The following LRBA variants were observed in gnomAD, a reference collection of about 807,000 sequenced individuals.
LRBA encodes the protein LPS responsive beige-like anchor protein, also known as lipopolysaccharide-responsive and beige-like anchor protein.
A neutral mutation model predicts 330.0 loss-of-function variants in LRBA; 176 were observed. The ratio of observed to expected loss-of-function variants is 0.53; its 90% CI spans 0.47 to 0.60. The LOEUF (loss-of-function observed/expected upper bound fraction) is 0.60. Among genes scored for constraint, LRBA ranks in the 20% least tolerant of loss-of-function variants. The pLI, the probability that LRBA is intolerant of heterozygous loss-of-function variation, is 0.00. For missense variants in LRBA, 3,259 were observed against 3,444.8 expected (o/e 0.95, Z 1.35); for synonymous variants, 1,230 against 1,193.0 (o/e 1.03, Z -0.64).
chr4:150,466,274 G>A (rs1755443912), intron 44 of LRBA, among the ~76,000 whole-genome samples: 1 of 142,356 alleles, frequency 7.0e-6, no homozygotes, highest in Non-Finnish European at 1.6e-5. Context: ...TTCCTGGAAT[G>A]AGTAAATAAG....
chr4:150,301,222 A>G (rs576050311), intron 53 of LRBA, among the ~76,000 whole-genome samples: 4 of 152,198 alleles, frequency 2.6e-5, no homozygotes, highest in Non-Finnish European at 5.9e-5. Context: ...AGAACATGGT[A>G]CTTTTCAAAA....
At chr4:150,924,735 G>A (rs544746697) in intron 4 of LRBA, among the ~76,000 whole-genome samples, 57 of 152,018 alleles carry the variant, frequency 3.7e-4, no homozygotes, top group Admixed American at 6.6e-4. Flanking sequence ...CTAAATAAAC[G>A]TAATGAGTAT....
chr4:150,806,155 C>T, intron 33 of LRBA, 116 bp downstream of exon 33: 1 of 703,110 alleles, frequency 1.4e-6, no homozygotes, highest in Non-Finnish European at 2.2e-6. Flanking sequence ...TATGAGAAAC[C>T]TTGTCAAAGG....
intron 22 of LRBA, among the ~76,000 whole-genome samples, chr4:150,863,719 C>T (rs1752289482): frequency 6.6e-6 from 1 of 152,100 alleles, no homozygotes; most frequent in Non-Finnish European, 1.5e-5. Flanking sequence ...CTCCAAAGTC[C>T]ACATTCTTTC....
rs529665764 is a variant in LRBA at position 150,265,766 on chromosome 4, T to A, written c.8515A>T (p.Asn2839Tyr). 6.2e-7 allele frequency: 1 copy of A among 1,613,714 alleles called. No homozygotes were observed. Among genetic ancestry groups the A allele is most frequent in the Non-Finnish European group, 8.5e-7 (1 of 1,179,712 alleles). Residue 2839 changes from asparagine to tyrosine, a missense_variant, in exon 57 of 57, where the codon AAC becomes TAC. Asn to Tyr is a moderately radical substitution (Grantham distance 143). Coordinates refer to ENST00000651943, the MANE Select transcript of LRBA (RefSeq NM_001364905.1). ...MASGSIVLFY[N>Y]DFNRWHHEYQ... ...TCATGATGCCACCGGTTAAAGTCGT[T>A]GTAAAATAGCACAATGCTTCCTGAA... is the stretch of plus-strand genomic sequence containing the variant.
At chr4:150,449,725 G>C (rs1753116667) in intron 44 of LRBA, among the ~76,000 whole-genome samples, 1 of 152,048 alleles carries the variant, frequency 6.6e-6, no homozygotes, top group Non-Finnish European at 1.5e-5. Flanking sequence ...CTATTGACTA[G>C]ATTGACTGAA....
At chr4:150,698,744 G>C (rs774877791) in intron 36 of LRBA, among the ~76,000 whole-genome samples, 5 of 152,072 alleles carry the variant, frequency 3.3e-5, no homozygotes, top group Non-Finnish European at 5.9e-5. Flanking sequence ...ATTATTTCTT[G>C]TTATATGTAT....
intron 2 of LRBA, among the ~76,000 whole-genome samples, chr4:150,981,585 A>G (rs1482184521): frequency 6.6e-6 from 1 of 152,118 alleles, no homozygotes; most frequent in Non-Finnish European, 1.5e-5. Flanking sequence ...AAACAGACAC[A>G]CAGACCAGAA....
At chr4:150,963,230 T>C (rs1163618160) in intron 2 of LRBA, among the ~76,000 whole-genome samples, 3 of 148,602 alleles carry the variant, frequency 2.0e-5, no homozygotes, top group Non-Finnish European at 4.4e-5. Context: ...CTCCCTCTGA[T>C]GCCGAGCCGA....
chr4:150,744,170 C>T (rs1021642736), intron 35 of LRBA, among the ~76,000 whole-genome samples: 1 of 152,122 alleles, frequency 6.6e-6, no homozygotes, highest in African/African-American at 2.4e-5. Flanking sequence ...TCTGATTCTA[C>T]GATAGAAAAA....
At chr4:150,849,381 C>A (rs761191547) in intron 25 of LRBA, 41 bp downstream of exon 25, 5 of 1,594,654 alleles carry the variant, frequency 3.1e-6, no homozygotes, top group Non-Finnish European at 4.3e-6. Context: ...GCATAACACT[C>A]ATGTTTTCAC....
Position 150,489,224 on chromosome 4 carries a change from A to AATATATTATATATACGAAT in LRBA, c.6449-1409_6449-1391dup, listed in dbSNP as rs1581464588. 1.0e-4 allele frequency among the ~76,000 whole-genome samples: 6 copies of AATATATTATATATACGAAT among 58,922 alleles called. No homozygotes were observed. In the East Asian group the frequency reaches 1.7e-3, roughly 17 times the overall value. The allele number at this position is 58,922 out of a possible 152,430, so 38.7% of individuals were successfully genotyped here. A position where few individuals can be genotyped will look rare whatever the true frequency, so the allele number is the denominator to read the frequency against. Reference sequence around the variant, plus strand: ...GTATATATTATATATACGAATATATAATATATTATATATACGAATATATAA... The same window carrying AATATATTATATATACGAAT: ...GTATATATTATATATACGAATATATAATATATTATATATACGAATATATATTATATATACGAATATATAA... On this transcript the variant is annotated intron_variant, in intron 41 of 56. Coordinates refer to ENST00000651943, the MANE Select transcript of LRBA (RefSeq NM_001364905.1).
chr4:150,577,196 T>C (rs1396169183), intron 40 of LRBA, among the ~76,000 whole-genome samples: 6 of 152,016 alleles, frequency 3.9e-5, no homozygotes, highest in Non-Finnish European at 8.8e-5. Context: ...ACTTATAATG[T>C]GGACAGTATA....
At chr4:150,632,238 A>G (rs1777458188) in intron 37 of LRBA, among the ~76,000 whole-genome samples, 1 of 151,658 alleles carries the variant, frequency 6.6e-6, no homozygotes, top group South Asian at 2.1e-4. Context: ...CTCAAGGAAA[A>G]AAAAAAAAAA....
At chr4:150,443,873 T>TATATA (rs1491391084) in intron 44 of LRBA, among the ~76,000 whole-genome samples, 34 of 18,620 alleles carry the variant, frequency 1.8e-3, no homozygotes, top group Admixed American at 4.3e-3. Context: ...TATATATATA[T>TATATA]TTTTTTTTTT....
intron 35 of LRBA, among the ~76,000 whole-genome samples, chr4:150,745,907 TTAGA>T (rs1732652180): frequency 6.6e-6 from 1 of 152,196 alleles, no homozygotes. Flanking sequence ...ACATATACAC[TTAGA>T]TAGGTAGGAT....
chr4:150,706,161 AGAG>A (rs1023711069), intron 36 of LRBA, among the ~76,000 whole-genome samples: 2 of 151,942 alleles, frequency 1.3e-5, no homozygotes, highest in Non-Finnish European at 2.9e-5. Flanking sequence ...AGAAGGAGGA[AGAG>A]GAGGAGAAGC....
intron 48 of LRBA, among the ~76,000 whole-genome samples, chr4:150,345,440 C>T (rs901944721): frequency 3.3e-5 from 5 of 152,180 alleles, no homozygotes; most frequent in Admixed American, 6.5e-5. Context: ...ATGATTCTTT[C>T]TATGATCTAA....
At chr4:150,994,779 A>G (rs1210415502) in intron 2 of LRBA, among the ~76,000 whole-genome samples, 1 of 152,248 alleles carries the variant, frequency 6.6e-6, no homozygotes, top group Non-Finnish European at 1.5e-5. Context: ...CTAGATGCCC[A>G]GAAAAGTACT....
Sources: gnomAD v4.1 joint callset for allele counts (sites outside exome capture counted in the v4.1 genomes callset) on GRCh38, gnomAD v4.1.1 for gene constraint, MANE v1.5 for transcripts, NCBI Gene and HGNC (gene_info 2026-07-23, HGNC 2026-07-21) for gene names.